Variants in MOB1B observed in about 807,000 individuals in gnomAD.
MOB1B encodes MOB kinase activator 1B.
MOB1B carries 19 observed loss-of-function variants against 24.4 expected under a neutral mutation model. The ratio of observed to expected loss-of-function variants is 0.78; its 90% CI spans 0.54 to 1.14. The LOEUF (loss-of-function observed/expected upper bound fraction) is 1.14. Ranked by LOEUF, MOB1B falls within the 50% of genes most tolerant of loss-of-function variation. The pLI, the probability that MOB1B is intolerant of heterozygous loss-of-function variation, is 0.00. For missense variants in MOB1B, 243 were observed against 259.6 expected, an observed-to-expected ratio of 0.94 and a Z score of 0.44; for synonymous variants, 76 against 82.1, an observed-to-expected ratio of 0.93 and a Z score of 0.40.
At chr4:70,917,283 G>A (rs1052432052) in intron 1 of MOB1B, among the ~76,000 whole-genome samples, 1 of 152,144 alleles carries the variant, frequency 6.6e-6, no homozygotes, top group African/African-American at 2.4e-5. Context: ...AAGGCTGGCT[G>A]CAAACTCCTT....
At chr4:70,907,686 G>T (rs1362499380) in intron 1 of MOB1B, among the ~76,000 whole-genome samples, 2 of 152,158 alleles carry the variant, frequency 1.3e-5, no homozygotes, top group Non-Finnish European at 2.9e-5. Context: ...TTAGCCAGGT[G>T]TGGTGGCGCT....
intron 4 of MOB1B, among the ~76,000 whole-genome samples, chr4:70,978,780 A>G (rs564568515): frequency 2.4e-4 from 37 of 152,324 alleles, no homozygotes; most frequent in African/African-American, 8.7e-4. Flanking sequence ...TGTTCAGCAC[A>G]TATTTGTATT....
At chr4:70,965,904 T>TA (rs902243077) in intron 2 of MOB1B, among the ~76,000 whole-genome samples, 25 of 150,590 alleles carry the variant, frequency 1.7e-4, no homozygotes, top group Middle Eastern at 6.8e-3. Context: ...CTAATTCTTA[T>TA]AAAAATTCAA....
At chr4:70,981,908 G>A in intron 5 of MOB1B, 72 bp from the exon 6 acceptor site, 9 of 998,438 alleles carry the variant, frequency 9.0e-6, no homozygotes, top group Non-Finnish European at 1.4e-5. Context: ...AATGTTCATG[G>A]TAATTTACTT....
At position 70,910,474 on chromosome 4, in the gene MOB1B, TA is replaced by T. The variant is rs754487805; in HGVS notation, c.14+7925del. ...ATATGTGTGTATGTATATCTATATA[TA>T]TATTTTTTTCTTAAAGGTGATATTC... On this transcript the variant is annotated intron_variant, in intron 1 of 5. Coordinates refer to ENST00000309395, the MANE Select transcript of MOB1B (RefSeq NM_173468.4). 2.6e-5 allele frequency among the ~76,000 whole-genome samples: 4 copies of T among 151,930 alleles called. No homozygotes were observed. In the South Asian group the frequency reaches 6.2e-4, roughly 24 times the overall value.
At chr4:70,923,888 A>G (rs1478489005) in intron 1 of MOB1B, among the ~76,000 whole-genome samples, 1 of 146,402 alleles carries the variant, frequency 6.8e-6, no homozygotes, top group South Asian at 2.2e-4. Context: ...CAGAGCTTGC[A>G]GTGAGCCGAG....
At chr4:70,929,182 CTTTTTTTTTTT>C (rs11362114) in intron 1 of MOB1B, among the ~76,000 whole-genome samples, 18 of 95,110 alleles carry the variant, frequency 1.9e-4, no homozygotes, top group African/African-American at 5.7e-4. Flanking sequence ...TTCTTTCTTT[CTTTTTTTTTTT>C]TTTTTTTGAG....
intron 2 of MOB1B, among the ~76,000 whole-genome samples, chr4:70,965,003 A>G (rs775883453): frequency 1.3e-5 from 2 of 151,542 alleles, no homozygotes; most frequent in African/African-American, 2.4e-5. Flanking sequence ...GAAACATACA[A>G]TAAAGGGAAT....
chr4:70,955,720 C>T (rs2148892314), intron 1 of MOB1B, among the ~76,000 whole-genome samples: 1 of 152,004 alleles, frequency 6.6e-6, no homozygotes, highest in African/African-American at 2.4e-5. Context: ...ATCCACCTGC[C>T]TCAGCCTCCC....
intron 1 of MOB1B, among the ~76,000 whole-genome samples, chr4:70,918,879 C>T (rs1736305447): frequency 6.6e-6 from 1 of 152,228 alleles, no homozygotes; most frequent in South Asian, 2.1e-4. Context: ...TATTGCGGCA[C>T]TATTCACAAT....
At chr4:70,903,974 CTTTTTTTTTTTTT>C (rs754257097) in intron 1 of MOB1B, among the ~76,000 whole-genome samples, 1 of 81,006 alleles carries the variant, frequency 1.2e-5, no homozygotes, top group Non-Finnish European at 2.1e-5. Context: ...TATTTTAGTT[CTTTTTTTTTTTTT>C]TTTTTTTTTT....
rs1391425376 is a variant in MOB1B at position 70,982,268 on chromosome 4, G to A, written c.*211G>A. 4 of 374,856 alleles carry A rather than the reference G, an allele frequency of 1.1e-5. No homozygotes were observed. Among genetic ancestry groups the A allele is most frequent in the Non-Finnish European group, 1.9e-5 (4 of 208,868 alleles). The allele number at this position is 374,856 out of a possible 1,614,324, so 23.2% of individuals were successfully genotyped here. On this transcript the variant is annotated 3_prime_UTR_variant, in exon 6 of 6. Coordinates refer to ENST00000309395, the MANE Select transcript of MOB1B (RefSeq NM_173468.4). ...ACCATTCTCTATACACTTGATAAGG[G>A]TAAATTTATCTTAGTGTTTTTAAAC...
chr4:70,954,403 G>T (rs886759669), intron 1 of MOB1B, among the ~76,000 whole-genome samples: 1 of 152,140 alleles, frequency 6.6e-6, no homozygotes, highest in Non-Finnish European at 1.5e-5. Flanking sequence ...GCTGATGTGT[G>T]TCAAAGTTGG....
At chr4:70,936,960 A>T (rs929077039) in intron 1 of MOB1B, among the ~76,000 whole-genome samples, 2 of 151,920 alleles carry the variant, frequency 1.3e-5, no homozygotes, top group East Asian at 1.9e-4. Flanking sequence ...TCTGTTGCCC[A>T]GGCTGGAGGG....
intron 2 of MOB1B, among the ~76,000 whole-genome samples, chr4:70,960,829 G>A (rs1486553316): frequency 6.6e-6 from 1 of 152,116 alleles, no homozygotes; most frequent in Non-Finnish European, 1.5e-5. Flanking sequence ...TGTAAAATTT[G>A]AGAGTTCATT....
In MOB1B at chr4:70,985,268, T is replaced by C. The variant is rs1430730300; in HGVS notation, c.*3211T>C. 1.3e-5 allele frequency: 2 copies of C among 152,160 alleles called. No individual in the cohort carries two copies. Among genetic ancestry groups the C allele is most frequent in the African/African-American group, 4.8e-5 (2 of 41,434 alleles). 9.4% of individuals were successfully genotyped at this position (152,160 alleles called of 1,614,324 possible). A position where few individuals can be genotyped will look rare whatever the true frequency, so the allele number is the denominator to read the frequency against. On this transcript the variant is annotated 3_prime_UTR_variant, in exon 6 of 6. Coordinates refer to ENST00000309395, the MANE Select transcript of MOB1B (RefSeq NM_173468.4). ...AATGGTAGAATATGTGAGATACAAA[T>C]ATTGAGTTGTAGAACTTTCTTTTTA...
Position 70,970,035 on chromosome 4 carries a change from G to A in MOB1B, c.275+11G>A, listed in dbSNP as rs546160317. ...GTCAGCTGGCCCAAAGTAAGACATAGTTAATGATCAGTTTCTTATTTTTAC... is the reference window on the plus strand; with the variant it reads ...GTCAGCTGGCCCAAAGTAAGACATAATTAATGATCAGTTTCTTATTTTTAC... On this transcript the variant is annotated intron_variant, in intron 3 of 5. Coordinates refer to ENST00000309395, the MANE Select transcript of MOB1B (RefSeq NM_173468.4). 10 of 1,439,514 alleles carry A rather than the reference G, an allele frequency of 6.9e-6. No individual in the cohort carries two copies. The highest frequency in any genetic ancestry group is 3.7e-5 in the Admixed American group (2 of 54,236). The allele number at this position is 1,439,514 out of a possible 1,614,324, so 89.2% of individuals were successfully genotyped here. A position where few individuals can be genotyped will look rare whatever the true frequency, so the allele number is the denominator to read the frequency against.
In MOB1B at chr4:70,986,514, CT is replaced by C. The variant is rs1739387251; in HGVS notation, c.*4459del. The C allele has an allele frequency of 6.6e-6, 1 of 151,858 alleles. No homozygotes were observed. The highest frequency in any genetic ancestry group is 1.5e-5 in the Non-Finnish European group (1 of 67,936). 9.4% of individuals were successfully genotyped at this position (151,858 alleles called of 1,614,324 possible). A position where few individuals can be genotyped will look rare whatever the true frequency, so the allele number is the denominator to read the frequency against. On this transcript the variant is annotated 3_prime_UTR_variant, in exon 6 of 6. Transcript: ENST00000309395. Reference sequence around the variant, plus strand: ...ATGTGACTGCATACCAATAAGAAAACTTACCTTATTTTGAAATTTATCTGGG... The same window carrying C: ...ATGTGACTGCATACCAATAAGAAAACTACCTTATTTTGAAATTTATCTGGG...
At chr4:70,942,781 C>G (rs1737402683) in intron 1 of MOB1B, 2 of 771,200 alleles carry the variant, frequency 2.6e-6, no homozygotes, top group Non-Finnish European at 1.6e-6. Context: ...TTAGCCCCTC[C>G]CTGAATTCCT....
Sources: gnomAD v4.1 joint callset for allele counts (sites outside exome capture counted in the v4.1 genomes callset) on GRCh38, gnomAD v4.1.1 for gene constraint, MANE v1.5 for transcripts, NCBI Gene and HGNC (gene_info 2026-07-23, HGNC 2026-07-21) for gene names.